The following VAC14 variants were observed in gnomAD, a reference collection of about 807,000 sequenced individuals.
The protein encoded by VAC14 is protein VAC14 homolog.
A neutral mutation model predicts 85.3 loss-of-function variants in VAC14; 47 were observed. The ratio of observed to expected loss-of-function variants is 0.55; its 90% CI spans 0.44 to 0.70. VAC14 has a LOEUF of 0.70. VAC14 is among the 30% of genes least tolerant of loss of function. The pLI is 0.00. For missense variants in VAC14, 861 were observed against 1,004.3 expected (o/e 0.86, Z 1.93); for synonymous variants, 447 against 430.5 (o/e 1.04, Z -0.47).
At chr16:70,780,369 G>A (rs113322845) in intron 9 of VAC14, among the ~76,000 whole-genome samples, 24 of 152,218 alleles carry the variant, frequency 1.6e-4, no homozygotes, top group Non-Finnish European at 2.2e-4. Flanking sequence ...GTGGCTGGAC[G>A]TCTACGGCCA....
intron 17 of VAC14, among the ~76,000 whole-genome samples, chr16:70,693,864 G>A (rs1257230279): frequency 6.6e-6 from 1 of 152,236 alleles, no homozygotes; most frequent in Non-Finnish European, 1.5e-5. Flanking sequence ...GGCCACACAG[G>A]GGGTCCCGCT....
chr16:70,780,976 G>C, intron 8 of VAC14, 37 bp from the exon 9 acceptor site: 2 of 1,611,970 alleles, frequency 1.2e-6, no homozygotes, highest in South Asian at 1.1e-5. Context: ...ATCTGATTTG[G>C]ATGCCTGTCT....
At chr16:70,788,861 G>T (rs1317206957) in intron 1 of VAC14, among the ~76,000 whole-genome samples, 1 of 152,240 alleles carries the variant, frequency 6.6e-6, no homozygotes, top group Non-Finnish European at 1.5e-5. Context: ...CACCAGACCT[G>T]CAGCAGCCAA....
chr16:70,705,325 G>A (rs1190301741), intron 14 of VAC14, among the ~76,000 whole-genome samples: 1 of 152,240 alleles, frequency 6.6e-6, no homozygotes, highest in African/African-American at 2.4e-5. Flanking sequence ...CAGCCTGGGA[G>A]GAGGAGAGGC....
intron 1 of VAC14, among the ~76,000 whole-genome samples, chr16:70,791,471 G>A (rs925483779): frequency 2.6e-5 from 4 of 152,054 alleles, no homozygotes; most frequent in Admixed American, 2.6e-4. Context: ...TGCAGCCTCT[G>A]CCTCTCAGGT....
chr16:70,717,942 C>T (rs1042693421), intron 14 of VAC14, among the ~76,000 whole-genome samples: 1 of 152,258 alleles, frequency 6.6e-6, no homozygotes, highest in African/African-American at 2.4e-5. Context: ...CATGAGCCAC[C>T]GCGCCCGGCC....
intron 1 of VAC14, among the ~76,000 whole-genome samples, chr16:70,786,826 G>A (rs2034083854): frequency 1.3e-5 from 2 of 152,192 alleles, no homozygotes; most frequent in Non-Finnish European, 2.9e-5. Context: ...AATAATTGTA[G>A]CAAAGTGGCA....
intron 16 of VAC14, chr16:70,696,754 C>T (rs1331938253): frequency 2.5e-5 from 6 of 241,304 alleles, no homozygotes; most frequent in Non-Finnish European, 4.9e-5. Flanking sequence ...CCACACCAGG[C>T]CCAGGAGGAA....
At chr16:70,784,737 C>A in intron 4 of VAC14, 39 bp downstream of exon 4, 3 of 1,577,654 alleles carry the variant, frequency 1.9e-6, no homozygotes, top group Admixed American at 1.7e-5. Context: ...ACGGGAGAAA[C>A]AGATTGTAGA....
At chr16:70,766,280 T>G (rs2032806633) in intron 10 of VAC14, among the ~76,000 whole-genome samples, 1 of 152,334 alleles carries the variant, frequency 6.6e-6, no homozygotes, top group Non-Finnish European at 1.5e-5. Flanking sequence ...CTCGGCAAGC[T>G]GAGCTCTGTG....
chr16:70,695,017 G>C (rs2053677051), intron 17 of VAC14, among the ~76,000 whole-genome samples: 1 of 152,158 alleles, frequency 6.6e-6, no homozygotes, highest in Non-Finnish European at 1.5e-5. Context: ...ATGTCCAGGA[G>C]ACTCACTGTG....
At position 70,697,075 on chromosome 16, in the gene VAC14, G is replaced by A. The variant is rs749699935; in HGVS notation, c.1955+64C>T. On this transcript the variant is annotated intron_variant, in intron 16 of 18. Coordinates refer to ENST00000261776, the MANE Select transcript of VAC14 (RefSeq NM_018052.5). ...TTGGGCCCGCCTGTTGGGTGGAAAG[G>A]GGGCAGCCGGCCCCTTCCTGCCCCT... 2.9e-6 allele frequency: 4 copies of A among 1,395,066 alleles called. No homozygotes were observed. In the African/African-American group the frequency reaches 5.7e-5, roughly 20 times the overall value. 86.4% of individuals were successfully genotyped at this position (1,395,066 alleles called of 1,614,324 possible).
chr16:70,782,393 C>G (rs919109369), intron 7 of VAC14, among the ~76,000 whole-genome samples: 2 of 152,252 alleles, frequency 1.3e-5, no homozygotes, highest in African/African-American at 4.8e-5. Context: ...TTGCTCACTT[C>G]TACTGTCTGT....
chr16:70,738,017 G>T (rs966669437), intron 13 of VAC14, among the ~76,000 whole-genome samples: 11 of 152,214 alleles, frequency 7.2e-5, no homozygotes, highest in African/African-American at 2.2e-4. Flanking sequence ...GCCGCTCAGG[G>T]GAGGCAGCAC....
At chr16:70,750,485 C>T (rs1438232607) in intron 12 of VAC14, among the ~76,000 whole-genome samples, 6 of 152,060 alleles carry the variant, frequency 3.9e-5, no homozygotes, top group Non-Finnish European at 4.4e-5. Context: ...CCCCTGGTTT[C>T]GGAGTGGAGT....
In VAC14 at chr16:70,783,444, C is replaced by G; in HGVS notation, c.704+1G>C. The G allele has an allele frequency of 6.2e-7, 1 of 1,613,998 alleles. No homozygotes were observed. Among genetic ancestry groups the G allele is most frequent in the South Asian group, 1.1e-5 (1 of 91,076 alleles). On this transcript the variant is annotated splice_donor_variant, in intron 6 of 18. Coordinates refer to ENST00000261776, the MANE Select transcript of VAC14 (RefSeq NM_018052.5). LOFTEE classifies it high-confidence loss of function. Reference sequence around the variant, plus strand: ...AGCTTCCTGCCCCTTACTCCACTCACATTTTGCGAATCTCTTTGCCATTGT... The same window carrying G: ...AGCTTCCTGCCCCTTACTCCACTCAGATTTTGCGAATCTCTTTGCCATTGT...
At chr16:70,793,872 G>C (rs562434966) in intron 1 of VAC14, among the ~76,000 whole-genome samples, 1 of 152,214 alleles carries the variant, frequency 6.6e-6, no homozygotes, top group Non-Finnish European at 1.5e-5. Flanking sequence ...ACGAGGTTGT[G>C]CTCATTCCAT....
Position 70,692,805 on chromosome 16 carries a change from C to T in VAC14, c.2186+16G>A, listed in dbSNP as rs375334608. On this transcript the variant is annotated intron_variant, in intron 18 of 18. Transcript: ENST00000261776. Reference sequence around the variant, plus strand: ...TGCTCAGGGGGCGGGGGCAGCAGTCCCCAGCCGGCACTCACTCGGTCTGCA... The same window carrying T: ...TGCTCAGGGGGCGGGGGCAGCAGTCTCCAGCCGGCACTCACTCGGTCTGCA... 1.9e-6 allele frequency: 3 copies of T among 1,591,594 alleles called. No individual in the cohort carries two copies. Among genetic ancestry groups the T allele is most frequent in the Admixed American group, 3.6e-5 (2 of 55,668 alleles).
intron 9 of VAC14, among the ~76,000 whole-genome samples, chr16:70,773,693 G>T (rs1250189209): frequency 1.3e-5 from 2 of 152,110 alleles, no homozygotes; most frequent in African/African-American, 2.4e-5. Context: ...AAAGAGTAAA[G>T]AATTCTTTTT....
Sources: gnomAD v4.1 joint callset for allele counts (sites outside exome capture counted in the v4.1 genomes callset) on GRCh38, gnomAD v4.1.1 for gene constraint, MANE v1.5 for transcripts, NCBI Gene and HGNC (gene_info 2026-07-23, HGNC 2026-07-21) for gene names.